SERPINI1: variants seen among roughly 807,000 people sequenced by gnomAD.
The protein encoded by SERPINI1 is neuroserpin.
SERPINI1 carries 19 observed loss-of-function variants against 41.1 expected under a neutral mutation model. The observed-to-expected ratio is 0.46, with a 90% CI of 0.32 to 0.68. The LOEUF is 0.68. SERPINI1 is among the 30% of genes least tolerant of loss of function. The probability of loss-of-function intolerance (pLI) is 0.03; values close to 1 mark genes in which losing one functional copy is unlikely to be tolerated. For missense variants in SERPINI1, 460 were observed against 479.2 expected (o/e 0.96, Z 0.37); for synonymous variants, 138 against 156.6 (o/e 0.88, Z 0.89).
At chr3:167,788,982 C>A in intron 1 of SERPINI1, 129 bp from the exon 2 acceptor site, 1 of 850,958 alleles carries the variant, frequency 1.2e-6, no homozygotes, top group South Asian at 1.7e-5. Context: ...ATCCTCAGAA[C>A]TTAGCAGTGT....
chr3:167,764,210 C>CTA (rs1453435180), intron 1 of SERPINI1, among the ~76,000 whole-genome samples: 1 of 152,016 alleles, frequency 6.6e-6, no homozygotes, highest in African/African-American at 2.4e-5. Flanking sequence ...ACAGATGGTG[C>CTA]TAACTGCTGT....
At chr3:167,812,241 G>C (rs1711915272) in intron 6 of SERPINI1, among the ~76,000 whole-genome samples, 1 of 152,108 alleles carries the variant, frequency 6.6e-6, no homozygotes, top group Admixed American at 6.6e-5. Flanking sequence ...CTTACTCTTA[G>C]ATCATTCCAG....
rs144637103 is a variant in SERPINI1, at chr3:167,825,273, A to C, written c.1183A>C (p.Met395Leu). ...TGTILFMGRV[M>L]HPETMNTSGH... ...TACAATTCTATTCATGGGACGAGTCATGCATCCTGAAACAATGAACACAAG... is the reference window on the plus strand; with the variant it reads ...TACAATTCTATTCATGGGACGAGTCCTGCATCCTGAAACAATGAACACAAG... The change falls in exon 9 of 9, where the codon ATG becomes CTG. Residue 395 changes from methionine to leucine, a missense_variant. Transcript: ENST00000446050. 13 of 1,613,486 alleles carry C rather than the reference A, an allele frequency of 8.1e-6. No homozygotes were observed. In the South Asian group the frequency reaches 1.4e-4, roughly 18 times the overall value.
chr3:167,797,567 A>G (rs911852516), intron 5 of SERPINI1, among the ~76,000 whole-genome samples: 1 of 152,180 alleles, frequency 6.6e-6, no homozygotes, highest in Non-Finnish European at 1.5e-5. Flanking sequence ...GCATATGGCT[A>G]TATATAGCCA....
intron 6 of SERPINI1, among the ~76,000 whole-genome samples, chr3:167,816,166 C>G (rs1385919618): frequency 6.6e-6 from 1 of 152,142 alleles, no homozygotes; most frequent in Non-Finnish European, 1.5e-5. Flanking sequence ...ACCTCAGCCT[C>G]CTGAGTAGCT....
chr3:167,738,793 A>G (rs1214410381), intron 1 of SERPINI1, among the ~76,000 whole-genome samples: 1 of 150,974 alleles, frequency 6.6e-6, no homozygotes, highest in Non-Finnish European at 1.5e-5. Context: ...TCTAATGAAT[A>G]CCAGTCTGAT....
intron 1 of SERPINI1, among the ~76,000 whole-genome samples, chr3:167,783,724 G>A (rs1727214348): frequency 6.6e-6 from 1 of 152,170 alleles, no homozygotes; most frequent in South Asian, 2.1e-4. Flanking sequence ...GAAGTCAGAG[G>A]TAGCAGAGGC....
At chr3:167,744,814 T>A (rs1366690126) in intron 1 of SERPINI1, among the ~76,000 whole-genome samples, 1 of 125,786 alleles carries the variant, frequency 8.0e-6, no homozygotes, top group African/African-American at 3.0e-5. Flanking sequence ...TATATAAATA[T>A]AGTTATATAT....
chr3:167,738,511 T>C (rs547856555), intron 1 of SERPINI1, among the ~76,000 whole-genome samples: 1 of 152,168 alleles, frequency 6.6e-6, no homozygotes, highest in South Asian at 2.1e-4. Flanking sequence ...GAAAACTACT[T>C]GAGAAACACA....
chr3:167,793,549 C>A (rs537843335), intron 4 of SERPINI1, among the ~76,000 whole-genome samples: 5 of 149,034 alleles, frequency 3.4e-5, no homozygotes, highest in African/African-American at 9.9e-5. Context: ...CTAGCTTGGG[C>A]AACACAGCAA....
intron 1 of SERPINI1, among the ~76,000 whole-genome samples, chr3:167,762,413 C>T (rs1315441666): frequency 1.3e-5 from 2 of 152,126 alleles, no homozygotes; most frequent in African/African-American, 2.4e-5. Context: ...TTGACTACTC[C>T]CTTCTCCACC....
chr3:167,789,928 C>T (rs986158359), intron 2 of SERPINI1, among the ~76,000 whole-genome samples: 5 of 152,014 alleles, frequency 3.3e-5, no homozygotes, highest in South Asian at 2.1e-4. Context: ...CTCTGATATA[C>T]GTGTGAATTA....
intron 1 of SERPINI1, among the ~76,000 whole-genome samples, chr3:167,757,504 T>TCA (rs1318320922): frequency 2.1e-5 from 3 of 145,076 alleles, no homozygotes; most frequent in African/African-American, 7.6e-5. Context: ...GAGATCTCTC[T>TCA]CTCTCTCACA....
At chr3:167,762,921 CATTCA>C (rs1157818615) in intron 1 of SERPINI1, among the ~76,000 whole-genome samples, 1 of 152,056 alleles carries the variant, frequency 6.6e-6, no homozygotes, top group African/African-American at 2.4e-5. Flanking sequence ...TGCCCGGTGA[CATTCA>C]ATTCAAGGAG....
At chr3:167,759,732 A>G (rs1334194416) in intron 1 of SERPINI1, among the ~76,000 whole-genome samples, 1 of 152,124 alleles carries the variant, frequency 6.6e-6, no homozygotes. Flanking sequence ...ATCACACAAT[A>G]TGTCCATGTA....
In SERPINI1 at chr3:167,775,065, T is replaced by G. The variant is rs185555908; in HGVS notation, c.-18-14046T>G. The stretch of plus-strand genomic sequence containing the variant: ...CCTGTATTAAGATATCATTATATTA[T>G]AATAACATGTTTCCAGTTCTGACTG... On this transcript the variant is annotated intron_variant, in intron 1 of 8. Transcript: ENST00000446050. 3.2e-3 allele frequency among the ~76,000 whole-genome samples: 483 copies of G among 152,144 alleles called. 2 individuals are homozygous for G. The highest frequency in any genetic ancestry group is 0.011 in the African/African-American group (466 of 41,532).
intron 1 of SERPINI1, among the ~76,000 whole-genome samples, chr3:167,771,869 A>G (rs1726766245): frequency 6.6e-6 from 1 of 152,228 alleles, no homozygotes; most frequent in Non-Finnish European, 1.5e-5. Flanking sequence ...ACGCACATGC[A>G]CACATGGAAT....
Position 167,759,424 on chromosome 3 carries a change from G to T in SERPINI1, c.-19+23601G>T, listed in dbSNP as rs572368821. 2.1e-4 allele frequency among the ~76,000 whole-genome samples: 20 copies of T among 93,420 alleles called. No individual in the cohort carries two copies. The South Asian group carries it at 4.8e-3, about 23-fold the overall frequency. The allele number at this position is 93,420 out of a possible 152,430, so 61.3% of individuals were successfully genotyped here. A position where few individuals can be genotyped will look rare whatever the true frequency, so the allele number is the denominator to read the frequency against. ...GGTATATATATATATATATATATGC[G>T]CCATGCAGTACTATGCAGCCATAAA... On this transcript the variant is annotated intron_variant, in intron 1 of 8. Transcript: ENST00000446050.
In SERPINI1 at chr3:167,761,027, A is replaced by G. The variant is rs915895877; in HGVS notation, c.-19+25204A>G. Reference sequence around the variant, plus strand: ...TAGAACAAATGAACTCTTTGCTTATATAAGAACCTTTAACCTAACCTAGAG... The same window carrying G: ...TAGAACAAATGAACTCTTTGCTTATGTAAGAACCTTTAACCTAACCTAGAG... On this transcript the variant is annotated intron_variant, in intron 1 of 8. Transcript: ENST00000446050. Among the ~76,000 whole-genome samples, 13 of 152,338 alleles carry G rather than the reference A, an allele frequency of 8.5e-5. No homozygotes were observed. The South Asian group carries it at 2.3e-3, about 27-fold the overall frequency.
Sources: allele counts gnomAD v4.1 joint callset (sites outside exome capture counted in the v4.1 genomes callset), GRCh38; gene constraint gnomAD v4.1.1; transcripts MANE v1.5; gene names NCBI Gene and HGNC (gene_info 2026-07-23, HGNC 2026-07-21).